Variants in SHROOM3 observed in about 807,000 individuals in gnomAD.
The protein encoded by SHROOM3 is protein Shroom3.
Under a neutral mutation model 138.6 loss-of-function variants are expected in SHROOM3, and 47 were observed. That is an observed-to-expected ratio of 0.34 (90% confidence interval 0.27 to 0.43). SHROOM3 has a LOEUF of 0.43. Ranked by LOEUF, SHROOM3 falls within the 20% of genes least tolerant of loss-of-function variation. The pLI is 1.00. For synonymous variants in SHROOM3, 1,062 were observed against 1,063.3 expected (o/e 1.00, Z 0.02); for missense variants, 2,491 against 2,596.5 (o/e 0.96, Z 0.88).
At chr4:76,770,542 A>G in intron 9 of SHROOM3, 84 bp from the exon 10 acceptor site, 3 of 1,533,338 alleles carry the variant, frequency 2.0e-6, no homozygotes, top group Admixed American at 1.8e-5. Context: ...CTTGAAGATG[A>G]CAGAAGGTGG....
At chr4:76,634,603 A>G (rs1429086816) in intron 2 of SHROOM3, among the ~76,000 whole-genome samples, 1 of 152,244 alleles carries the variant, frequency 6.6e-6, no homozygotes, top group African/African-American at 2.4e-5. Flanking sequence ...TAGAAGCCTC[A>G]TTAGGTTTAT....
At chr4:76,567,841 C>T (rs1383925848) in intron 2 of SHROOM3, among the ~76,000 whole-genome samples, 1 of 151,748 alleles carries the variant, frequency 6.6e-6, no homozygotes, top group Admixed American at 6.6e-5. Context: ...CTTAAAGAAG[C>T]GAACAATTGA....
intron 2 of SHROOM3, among the ~76,000 whole-genome samples, chr4:76,600,582 GA>G (rs781030055): frequency 2.2e-4 from 33 of 152,146 alleles, no homozygotes; most frequent in Non-Finnish European, 4.4e-4. Flanking sequence ...AGCACCTAAA[GA>G]AAATGTACTT....
At chr4:76,570,596 A>T (rs1474526293) in intron 2 of SHROOM3, among the ~76,000 whole-genome samples, 1 of 152,206 alleles carries the variant, frequency 6.6e-6, no homozygotes, top group Non-Finnish European at 1.5e-5. Context: ...ATGTTCAGGA[A>T]TTTAAGACTC....
intron 1 of SHROOM3, among the ~76,000 whole-genome samples, chr4:76,508,145 A>G (rs138681762): frequency 1.1e-4 from 16 of 152,260 alleles, no homozygotes; most frequent in African/African-American, 3.8e-4. Context: ...ATTCCAGGTC[A>G]TGAAGATTTA....
chr4:76,481,105 T>C (rs193269755), intron 1 of SHROOM3, among the ~76,000 whole-genome samples: 6 of 152,134 alleles, frequency 3.9e-5, no homozygotes, highest in African/African-American at 1.2e-4. Flanking sequence ...ATTCAAAAGC[T>C]AGCAGAAGAC....
intron 1 of SHROOM3, among the ~76,000 whole-genome samples, chr4:76,441,515 C>G (rs1730682555): frequency 6.6e-6 from 1 of 152,172 alleles, no homozygotes; most frequent in Non-Finnish European, 1.5e-5. Flanking sequence ...TCATTCTGAC[C>G]TTTTAAAATA....
In SHROOM3 at chr4:76,756,973, A is replaced by G. The variant is rs369638635; in HGVS notation, c.5198+36A>G. 26 of 1,613,268 alleles carry G rather than the reference A, an allele frequency of 1.6e-5. No individual in the cohort carries two copies. In the African/African-American group the frequency reaches 3.5e-4, roughly 21 times the overall value. On this transcript the variant is annotated intron_variant, in intron 8 of 10. Transcript: ENST00000296043. ...GGTGATGTCCTCAGAGAGACTTACA[A>G]TCACACTCCTTCCATGGGGATGATG...
chr4:76,635,199 A>G (rs1735455245), intron 2 of SHROOM3, among the ~76,000 whole-genome samples: 1 of 152,172 alleles, frequency 6.6e-6, no homozygotes, highest in African/African-American at 2.4e-5. Flanking sequence ...CCCTCACTGA[A>G]CCATGTGGAC....
chr4:76,608,435 C>T (rs921404076), intron 2 of SHROOM3, among the ~76,000 whole-genome samples: 3 of 152,316 alleles, frequency 2.0e-5, no homozygotes, highest in East Asian at 3.9e-4. Flanking sequence ...AGAGGCAGAG[C>T]TTGCAAAGCA....
chr4:76,576,900 G>A (rs1733951373), intron 2 of SHROOM3, among the ~76,000 whole-genome samples: 1 of 151,880 alleles, frequency 6.6e-6, no homozygotes, highest in Non-Finnish European at 1.5e-5. Flanking sequence ...AAAGGACTTT[G>A]GTGATTAAAG....
intron 2 of SHROOM3, among the ~76,000 whole-genome samples, chr4:76,613,331 A>G (rs538778175): frequency 6.6e-6 from 1 of 152,304 alleles, no homozygotes; most frequent in South Asian, 2.1e-4. Context: ...TGAGTCCTCA[A>G]CACTCCACCT....
rs971170518 is a variant in SHROOM3 at position 76,742,117 on chromosome 4, T to G, written c.3753+191T>G. 2.4e-5 allele frequency: 18 copies of G among 736,752 alleles called. No homozygotes were observed. The African/African-American group carries it at 2.6e-4, about 11-fold the overall frequency. 45.6% of individuals were successfully genotyped at this position (736,752 alleles called of 1,614,324 possible). A position where few individuals can be genotyped will look rare whatever the true frequency, so the allele number is the denominator to read the frequency against. On this transcript the variant is annotated intron_variant, in intron 5 of 10. Transcript: ENST00000296043. ...CTTACCTGGTTTCCTTATAAAGATA[T>G]AGGTATCTAGATTACGTATGTTGTT...
chr4:76,493,681 A>G (rs1731902199), intron 1 of SHROOM3, among the ~76,000 whole-genome samples: 1 of 152,188 alleles, frequency 6.6e-6, no homozygotes, highest in Admixed American at 6.5e-5. Context: ...ATTAGCTTTA[A>G]CGTAAAGTGA....
At chr4:76,621,468 G>C (rs1445877753) in intron 2 of SHROOM3, among the ~76,000 whole-genome samples, 1 of 152,206 alleles carries the variant, frequency 6.6e-6, no homozygotes, top group African/African-American at 2.4e-5. Flanking sequence ...AAGCAAACTT[G>C]GGCTATTGAG....
At chr4:76,571,802 A>G (rs992291390) in intron 2 of SHROOM3, among the ~76,000 whole-genome samples, 3 of 152,236 alleles carry the variant, frequency 2.0e-5, no homozygotes, top group Non-Finnish European at 4.4e-5. Flanking sequence ...TCTCTTCCAA[A>G]TAGTGGAAGC....
chr4:76,552,592 T>C (rs1343802597), intron 1 of SHROOM3, among the ~76,000 whole-genome samples: 3 of 150,394 alleles, frequency 2.0e-5, no homozygotes, highest in Non-Finnish European at 4.4e-5. Context: ...TGTATATACA[T>C]ATATCTATAT....
chr4:76,491,573 T>G (rs1418244905), intron 1 of SHROOM3, among the ~76,000 whole-genome samples: 1 of 152,162 alleles, frequency 6.6e-6, no homozygotes, highest in Admixed American at 6.5e-5. Context: ...TGCTTTGGGT[T>G]TCAAATGCAA....
intron 1 of SHROOM3, among the ~76,000 whole-genome samples, chr4:76,543,996 C>T (rs1560540053): frequency 6.6e-6 from 1 of 152,132 alleles, no homozygotes; most frequent in Non-Finnish European, 1.5e-5. Context: ...CTTCTCTAAT[C>T]GTGGATTTCA....
Sources: gnomAD v4.1 joint callset for allele counts (sites outside exome capture counted in the v4.1 genomes callset) on GRCh38, gnomAD v4.1.1 for gene constraint, MANE v1.5 for transcripts, NCBI Gene and HGNC (gene_info 2026-07-23, HGNC 2026-07-21) for gene names.